FSTL4: variants seen among roughly 807,000 people sequenced by gnomAD.
The protein encoded by FSTL4 is follistatin-related protein 4.
FSTL4 carries 28 observed loss-of-function variants against 78.2 expected under a neutral mutation model. That is an observed-to-expected ratio of 0.36 (90% CI 0.27 to 0.49). The LOEUF is 0.49. Ranked by LOEUF, FSTL4 falls within the 20% of genes least tolerant of loss-of-function variation. The pLI is 0.98. For synonymous variants in FSTL4, 422 were observed against 440.5 expected (o/e 0.96, Z 0.53); for missense variants, 922 against 1,084.9 (o/e 0.85, Z 2.11).
chr5:133,313,168 G>A (rs2126888704), intron 5 of FSTL4, among the ~76,000 whole-genome samples: 1 of 152,346 alleles, frequency 6.6e-6, no homozygotes, highest in South Asian at 2.1e-4. Flanking sequence ...AACAGTGGCT[G>A]AACTCAGTGT....
At chr5:133,597,381 C>T (rs1366975703) in intron 2 of FSTL4, among the ~76,000 whole-genome samples, 1 of 152,162 alleles carries the variant, frequency 6.6e-6, no homozygotes, top group Non-Finnish European at 1.5e-5. Flanking sequence ...ATCTGTGCTG[C>T]CAACTCCCCG....
chr5:133,272,401 G>A (rs982022193), intron 6 of FSTL4, among the ~76,000 whole-genome samples: 7 of 152,226 alleles, frequency 4.6e-5, no homozygotes, highest in Admixed American at 4.6e-4. Context: ...GAAAGCCGGC[G>A]TGGAGGGAGA....
intron 3 of FSTL4, among the ~76,000 whole-genome samples, chr5:133,447,564 G>A (rs1757294638): frequency 6.6e-6 from 1 of 151,882 alleles, no homozygotes; most frequent in Non-Finnish European, 1.5e-5. Flanking sequence ...TTTTGAGACT[G>A]AGTCTCACTC....
At chr5:133,701,339 G>T in the FSTL4 span, among the ~76,000 whole-genome samples, 1 of 149,526 alleles carries the variant, frequency 6.7e-6, no homozygotes, top group Non-Finnish European at 1.5e-5. Context: ...GGAGTCGGAG[G>T]TTGCAGTGAG....
intron 3 of FSTL4, among the ~76,000 whole-genome samples, chr5:133,491,131 T>G (rs1758258921): frequency 6.6e-6 from 1 of 152,210 alleles, no homozygotes; most frequent in Non-Finnish European, 1.5e-5. Flanking sequence ...AAAAAAATTG[T>G]TTTTAATAAA....
At chr5:133,803,740 C>T in the FSTL4 span, among the ~76,000 whole-genome samples, 2 of 152,318 alleles carry the variant, frequency 1.3e-5, no homozygotes, top group African/African-American at 4.8e-5. Flanking sequence ...CTATGCTAGG[C>T]ACTGGGGCTA....
At chr5:133,472,795 CAA>C (rs1221682181) in intron 3 of FSTL4, among the ~76,000 whole-genome samples, 3 of 152,224 alleles carry the variant, frequency 2.0e-5, no homozygotes, top group Non-Finnish European at 1.5e-5. Context: ...TCTTGGTCAT[CAA>C]GTCTAACCCC....
the FSTL4 span, among the ~76,000 whole-genome samples, chr5:133,641,653 G>C: frequency 6.6e-6 from 1 of 152,070 alleles, no homozygotes; most frequent in Non-Finnish European, 1.5e-5. Flanking sequence ...CTATAGTATG[G>C]CTTTTAGTAG....
At position 133,295,888 on chromosome 5, in the gene FSTL4, T is replaced by C. The variant is rs535287214; in HGVS notation, c.727+16766A>G. On this transcript the variant is annotated intron_variant, in intron 6 of 15. Coordinates refer to ENST00000265342, the MANE Select transcript of FSTL4 (RefSeq NM_015082.2). Reference sequence around the variant, plus strand: ...CTTAGGGCTCTGTCTTGGCTTCTCTTCTCTATCCACATTCACCTACTCAGT... The same window carrying C: ...CTTAGGGCTCTGTCTTGGCTTCTCTCCTCTATCCACATTCACCTACTCAGT... Among the ~76,000 whole-genome samples the C allele has an allele frequency of 2.3e-4, 35 of 152,290 alleles. No homozygotes were observed. In the Middle Eastern group the frequency reaches 0.01, roughly 44 times the overall value.
At chr5:133,280,649 A>G (rs562457463) in intron 6 of FSTL4, among the ~76,000 whole-genome samples, 1 of 152,262 alleles carries the variant, frequency 6.6e-6, no homozygotes, top group South Asian at 2.1e-4. Flanking sequence ...AGGGCTTAGC[A>G]AAGAGCCTGG....
chr5:133,474,284 C>T (rs975516071), intron 3 of FSTL4, among the ~76,000 whole-genome samples: 2 of 152,064 alleles, frequency 1.3e-5, no homozygotes, highest in Non-Finnish European at 1.5e-5. Context: ...ACGTCCTCCA[C>T]GCATGCTGCC....
chr5:133,802,488 G>A, the FSTL4 span, among the ~76,000 whole-genome samples: 1 of 152,238 alleles, frequency 6.6e-6, no homozygotes, highest in South Asian at 2.1e-4. Flanking sequence ...TAATGCTCCA[G>A]GGAGGAGTCC....
intron 6 of FSTL4, among the ~76,000 whole-genome samples, chr5:133,256,853 G>C (rs904163982): frequency 7.9e-5 from 12 of 152,172 alleles, no homozygotes; most frequent in Non-Finnish European, 1.8e-4. Context: ...TCATTTTGGG[G>C]ATGGCAATAA....
At chr5:133,581,478 C>T (rs1760406571) in intron 2 of FSTL4, among the ~76,000 whole-genome samples, 1 of 152,256 alleles carries the variant, frequency 6.6e-6, no homozygotes, top group African/African-American at 2.4e-5. Context: ...TAGAGAAATA[C>T]CTGCCCCACA....
the FSTL4 span, among the ~76,000 whole-genome samples, chr5:133,761,317 T>G: frequency 6.6e-6 from 1 of 152,122 alleles, no homozygotes; most frequent in African/African-American, 2.4e-5. Context: ...CTGTGAAAAA[T>G]TGCTTGTTTT....
chr5:133,415,085 G>A (rs1028443459), intron 3 of FSTL4, among the ~76,000 whole-genome samples: 16 of 152,216 alleles, frequency 1.1e-4, no homozygotes, highest in African/African-American at 3.6e-4. Flanking sequence ...CAAGGTCAGT[G>A]ACTAGTTCCT....
chr5:133,752,857 C>T, the FSTL4 span, among the ~76,000 whole-genome samples: 1 of 152,118 alleles, frequency 6.6e-6, no homozygotes, highest in Non-Finnish European at 1.5e-5. Context: ...TCGACCAGCT[C>T]TCTCCCCTTC....
At chr5:133,717,079 G>A in the FSTL4 span, among the ~76,000 whole-genome samples, 1 of 152,164 alleles carries the variant, frequency 6.6e-6, no homozygotes, top group African/African-American at 2.4e-5. Flanking sequence ...CCATCACAGA[G>A]CAAAAATCTG....
At chr5:133,537,278 C>T (rs1202620768) in intron 3 of FSTL4, among the ~76,000 whole-genome samples, 1 of 152,128 alleles carries the variant, frequency 6.6e-6, no homozygotes, top group African/African-American at 2.4e-5. Context: ...ATTAATTAGC[C>T]CCTTCAACAA....
Sources: gnomAD v4.1 joint callset for allele counts (sites outside exome capture counted in the v4.1 genomes callset) on GRCh38, gnomAD v4.1.1 for gene constraint, MANE v1.5 for transcripts, NCBI Gene and HGNC (gene_info 2026-07-23, HGNC 2026-07-21) for gene names.